The following KIF21B variants were observed in gnomAD, a reference collection of about 807,000 sequenced individuals.
KIF21B encodes kinesin-like protein KIF21B.
KIF21B carries 85 observed loss-of-function variants against 192.9 expected under a neutral mutation model. That is an observed-to-expected ratio of 0.44 (90% CI 0.37 to 0.53). KIF21B has a LOEUF of 0.53. Among genes scored for constraint, KIF21B ranks in the 20% least tolerant of loss-of-function variants. KIF21B has a pLI of 0.00. For synonymous variants in KIF21B, 832 were observed against 884.6 expected (o/e 0.94, Z 1.05); for missense variants, 1,716 against 2,194.8 (o/e 0.78, Z 4.36).
At chr1:200,995,148 A>G (rs1571938660) in intron 15 of KIF21B, among the ~76,000 whole-genome samples, 1 of 152,214 alleles carries the variant, frequency 6.6e-6, no homozygotes, top group East Asian at 1.9e-4. Context: ...AATCTACATC[A>G]GCCACCACTG....
chr1:201,013,063 G>A (rs766530063), intron 1 of KIF21B, among the ~76,000 whole-genome samples: 14 of 152,218 alleles, frequency 9.2e-5, no homozygotes, highest in Non-Finnish European at 1.6e-4. Flanking sequence ...CTGGGCATCA[G>A]GCTTGCCCTG....
In KIF21B at chr1:200,976,852, A is replaced by G. The variant is rs775270816; in HGVS notation, c.4367T>C (p.Val1456Ala). 12 of 1,613,356 alleles carry G rather than the reference A, an allele frequency of 7.4e-6. No homozygotes were observed. The highest frequency in any genetic ancestry group is 1.0e-5 in the Non-Finnish European group (12 of 1,179,534). Residue 1456 changes from valine to alanine, a missense_variant, in exon 32 of 35, where the codon GTG (valine) becomes GCG (alanine). This residue lies in a region of KIF21B where 580 missense variants were observed against 775.5 expected (regional missense o/e 0.75). Transcript: ENST00000461742. The stretch of plus-strand genomic sequence containing the variant: ...CGTCTGGGTGACCGTCAGGCACATC[A>G]CAGGGCCGATGTGGCCAGTCAGCTT... The part of the protein sequence containing the change: ...VGKLTGHIGP[V>A]MCLTVTQTAS...
rs1553238498 is a variant in KIF21B at position 200,988,559 on chromosome 1, G to T, written c.3299-15C>A. 4.3e-6 allele frequency: 6 copies of T among 1,398,060 alleles called. No homozygotes were observed. Among genetic ancestry groups the T allele is most frequent in the Non-Finnish European group, 5.0e-6 (5 of 1,000,320 alleles). The allele number at this position is 1,398,060 out of a possible 1,614,324, so 86.6% of individuals were successfully genotyped here. On this transcript the variant is annotated splice_polypyrimidine_tract_variant and intron_variant, in intron 22 of 34. Coordinates refer to ENST00000461742, the MANE Select transcript of KIF21B (RefSeq NM_001252102.2). ...GTAGCCATTCTCTGTGGGAGGGCGG[G>T]AGGGAGGGAAAGGGGTTGAGAAGCC...
chr1:200,974,320 C>T lies in KIF21B; in HGVS notation c.4814+394G>A. Reference sequence around the variant, plus strand: ...GAGTCGCACCCCATGGGACAGAGGGCCTGGCTGCTCCCCACACAGGGGGCC... The same window carrying T: ...GAGTCGCACCCCATGGGACAGAGGGTCTGGCTGCTCCCCACACAGGGGGCC... On this transcript the variant is annotated intron_variant, in intron 34 of 34. Coordinates refer to ENST00000461742, the MANE Select transcript of KIF21B (RefSeq NM_001252102.2). 3 of 1,143,494 alleles carry T rather than the reference C, an allele frequency of 2.6e-6. No homozygotes were observed. The South Asian group carries it at 5.0e-5, about 19-fold the overall frequency. 70.8% of individuals were successfully genotyped at this position (1,143,494 alleles called of 1,614,324 possible). A position where few individuals can be genotyped will look rare whatever the true frequency, so the allele number is the denominator to read the frequency against.
chr1:200,991,516 G>A (rs971275518), intron 17 of KIF21B, 141 bp downstream of exon 17: 76 of 835,494 alleles, frequency 9.1e-5, no homozygotes, highest in Middle Eastern at 3.5e-4. Context: ...CCTCCCTGCC[G>A]GCTCTGGCAG....
chr1:201,008,645 T>C, intron 3 of KIF21B, 124 bp downstream of exon 3: 1 of 902,058 alleles, frequency 1.1e-6, no homozygotes, highest in Admixed American at 2.4e-5. Context: ...AGCAGGGAAC[T>C]CATCACCTGG....
intron 3 of KIF21B, 51 bp from the exon 4 acceptor site, chr1:201,005,745 G>A: frequency 6.3e-7 from 1 of 1,584,416 alleles, no homozygotes; most frequent in Non-Finnish European, 8.6e-7. Flanking sequence ...TGGGGCCCCA[G>A]GTGGCTGCCA....
intron 8 of KIF21B, 71 bp downstream of exon 8, chr1:201,003,515 G>T: frequency 6.7e-7 from 1 of 1,499,238 alleles, no homozygotes; most frequent in Non-Finnish European, 9.3e-7. Flanking sequence ...GGGTGAGGCT[G>T]CAGGGCAGAG....
chr1:201,006,076 A>C (rs1443865219), intron 3 of KIF21B, among the ~76,000 whole-genome samples: 1 of 152,272 alleles, frequency 6.6e-6, no homozygotes, highest in African/African-American at 2.4e-5. Context: ...ATGTGATTCC[A>C]GATGAGGCAG....
chr1:201,007,853 G>C (rs1371661883), intron 3 of KIF21B, among the ~76,000 whole-genome samples: 1 of 151,684 alleles, frequency 6.6e-6, no homozygotes, highest in African/African-American at 2.4e-5. Context: ...ACAGACAGAT[G>C]ACACACACAC....
chr1:200,986,195 C>G (rs1157731296), intron 26 of KIF21B, among the ~76,000 whole-genome samples: 1 of 151,968 alleles, frequency 6.6e-6, no homozygotes, highest in African/African-American at 2.4e-5. Flanking sequence ...CTGAAAGCTC[C>G]CCAGAACCTA....
At position 200,990,286 on chromosome 1, in the gene KIF21B, C is replaced by T. The variant is rs368046254; in HGVS notation, c.2882G>A (p.Arg961Gln). ...FLLQEALRRKRERLQAESPEE... is the reference protein window; with the variant it reads ...FLLQEALRRKQERLQAESPEE... Reference sequence around the variant, plus strand: ...GGGGCTCTCAGCCTGCAGCCGCTCCCGCTTCCTCCGCAGTGCCTCCTGCAG... The same window carrying T: ...GGGGCTCTCAGCCTGCAGCCGCTCCTGCTTCCTCCGCAGTGCCTCCTGCAG... The change falls in exon 20 of 35, where the codon CGG (arginine) becomes CAG (glutamine). Residue 961 changes from arginine (R) to glutamine (Q), a missense_variant. Coordinates refer to ENST00000461742, the MANE Select transcript of KIF21B (RefSeq NM_001252102.2). This position sits in a 1 kb window ranked among gnomAD's most constrained non-coding sequence, Gnocchi z 5.4. 7 of 1,613,470 alleles carry T rather than the reference C, an allele frequency of 4.3e-6. No individual in the cohort carries two copies. The highest frequency in any genetic ancestry group is 1.1e-5 in the South Asian group (1 of 91,060).
chr1:201,018,183 C>A (rs1454481497), intron 1 of KIF21B, among the ~76,000 whole-genome samples: 3 of 152,200 alleles, frequency 2.0e-5, no homozygotes, highest in Non-Finnish European at 2.9e-5. Flanking sequence ...TGGGGTTCCG[C>A]CCTTTGGTGT....
chr1:201,001,448 A>G (rs1005342110), intron 9 of KIF21B: 1 of 152,690 alleles, frequency 6.5e-6, no homozygotes, highest in East Asian at 1.9e-4. Flanking sequence ...GGCTAGAGTC[A>G]CAGCTGACTG....
chr1:200,994,640 C>A (rs1190870670), intron 15 of KIF21B, among the ~76,000 whole-genome samples: 1 of 152,228 alleles, frequency 6.6e-6, no homozygotes, highest in African/African-American at 2.4e-5. Flanking sequence ...ATACAAGGAT[C>A]TTCCCTCATG....
At chr1:201,011,266 G>T (rs2102467808) in intron 1 of KIF21B, among the ~76,000 whole-genome samples, 1 of 152,248 alleles carries the variant, frequency 6.6e-6, no homozygotes, top group African/African-American at 2.4e-5. Context: ...TGCTAATAAG[G>T]GCAGCAGACA....
chr1:201,019,457 T>C (rs969711919), intron 1 of KIF21B, among the ~76,000 whole-genome samples: 9 of 151,988 alleles, frequency 5.9e-5, no homozygotes, highest in African/African-American at 1.4e-4. Flanking sequence ...AGTGGATGAA[T>C]TGCATCAGTT....
chr1:201,022,909 T>C (rs1421613709), intron 1 of KIF21B, among the ~76,000 whole-genome samples: 2 of 152,206 alleles, frequency 1.3e-5, no homozygotes, highest in Admixed American at 6.5e-5. Flanking sequence ...TGTGCTGCCT[T>C]TGCTAGCTGG....
chr1:201,013,623 G>C (rs982646328), intron 1 of KIF21B, among the ~76,000 whole-genome samples: 2 of 152,296 alleles, frequency 1.3e-5, no homozygotes, highest in Admixed American at 1.3e-4. Context: ...CTCACAAAGT[G>C]CTGGGATTAC....
Sources: gnomAD v4.1 joint callset for allele counts (sites outside exome capture counted in the v4.1 genomes callset) on GRCh38, gnomAD v4.1.1 for gene constraint, gnomAD v4.1.1 regional missense constraint, Gnocchi (gnomAD v3.1) non-coding constraint, MANE v1.5 for transcripts, NCBI Gene and HGNC (gene_info 2026-07-23, HGNC 2026-07-21) for gene names.